Variants in GPAT3 observed in about 807,000 individuals in gnomAD.
GPAT3 encodes 1-AGP acyltransferase 9.
GPAT3 carries 53 observed loss-of-function variants against 58.8 expected under a neutral mutation model. That is an observed-to-expected ratio of 0.90 (90% CI 0.72 to 1.13). The LOEUF is 1.13. GPAT3 is among the 50% of genes most tolerant of loss of function. The pLI is 0.00. For missense variants in GPAT3, 511 were observed against 527.6 expected (o/e 0.97, Z 0.31); for synonymous variants, 197 against 187.4 (o/e 1.05, Z -0.42).
intron 2 of GPAT3, among the ~76,000 whole-genome samples, chr4:83,565,696 C>T (rs1012115643): frequency 6.6e-6 from 1 of 152,050 alleles, no homozygotes; most frequent in South Asian, 2.1e-4. Flanking sequence ...CCACACCACC[C>T]GGTGGGTACC....
At chr4:83,588,344 A>G in intron 5 of GPAT3, 45 bp downstream of exon 5, 1 of 1,551,254 alleles carries the variant, frequency 6.4e-7, no homozygotes. Context: ...AGGTCAATTC[A>G]GCATGAGATT....
intron 2 of GPAT3, among the ~76,000 whole-genome samples, chr4:83,565,900 T>G (rs990538206): frequency 6.6e-6 from 1 of 152,196 alleles, no homozygotes; most frequent in African/African-American, 2.4e-5. Context: ...GATTCATCAG[T>G]GAAGGAGAAC....
At chr4:83,593,006 A>G (rs983543183) in intron 6 of GPAT3, among the ~76,000 whole-genome samples, 2 of 150,666 alleles carry the variant, frequency 1.3e-5, no homozygotes, top group Non-Finnish European at 2.9e-5. Context: ...AGCTGGGATT[A>G]CAGGTGCCCA....
chr4:83,551,393 A>C (rs1724742472), intron 2 of GPAT3, among the ~76,000 whole-genome samples: 1 of 152,222 alleles, frequency 6.6e-6, no homozygotes, highest in African/African-American at 2.4e-5. Flanking sequence ...GAAATTATAT[A>C]TACTATAGGG....
At position 83,536,735 on chromosome 4, in the gene GPAT3, A is replaced by T. The variant is rs756506602; in HGVS notation, c.113A>T (p.Tyr38Phe). The T allele has an allele frequency of 6.2e-7, 1 of 1,612,972 alleles. No individual in the cohort carries two copies. The highest frequency in any genetic ancestry group is 8.5e-7 in the Non-Finnish European group (1 of 1,179,792). Reference sequence around the variant, plus strand: ...GTGTCTCTGGGCATCTCCGAGATCTACATGAAGATCCTAGTGAAAACTTTA... The same window carrying T: ...GTGTCTCTGGGCATCTCCGAGATCTTCATGAAGATCCTAGTGAAAACTTTA... ...FGVSLGISEI[Y>F]MKILVKTLEW... is the part of the protein sequence containing the mutation. Residue 38 changes from tyrosine (Y) to phenylalanine (F), a missense_variant, in exon 1 of 12, where the codon TAC becomes TTC. Transcript: ENST00000264409.
intron 1 of GPAT3, among the ~76,000 whole-genome samples, 176 bp from the exon 2 acceptor site, chr4:83,544,360 T>C (rs1724422668): frequency 1.3e-5 from 2 of 152,206 alleles, no homozygotes; most frequent in African/African-American, 4.8e-5. Flanking sequence ...GTAAGTGATA[T>C]AAAAGTATAC....
intron 2 of GPAT3, among the ~76,000 whole-genome samples, chr4:83,563,478 C>CTTTTTTTTTTTTTTT (rs908400401): frequency 8.7e-6 from 1 of 114,456 alleles, no homozygotes; most frequent in African/African-American, 3.1e-5. Flanking sequence ...TTTCTTTCTT[C>CTTTTTTTTTTTTTTT]TTTTTTTTTT....
At chr4:83,586,882 A>T (rs1237112695) in intron 3 of GPAT3, among the ~76,000 whole-genome samples, 3 of 152,230 alleles carry the variant, frequency 2.0e-5, no homozygotes, top group Non-Finnish European at 4.4e-5. Context: ...GCACCTTTAA[A>T]TCTATTCCCT....
At chr4:83,590,107 TACAC>T in intron 5 of GPAT3, 88 bp from the exon 6 acceptor site, 14 of 1,147,390 alleles carry the variant, frequency 1.2e-5, no homozygotes, top group Non-Finnish European at 1.8e-5. Flanking sequence ...ATTACATATA[TACAC>T]ACACACACAC....
chr4:83,541,582 T>C (rs1724306286), intron 1 of GPAT3, among the ~76,000 whole-genome samples: 1 of 152,124 alleles, frequency 6.6e-6, no homozygotes, highest in Non-Finnish European at 1.5e-5. Flanking sequence ...GGTAGACCTT[T>C]AGAGCTATCA....
At chr4:83,604,280 AG>A (rs1342931285) in intron 11 of GPAT3, among the ~76,000 whole-genome samples, 8 of 152,180 alleles carry the variant, frequency 5.3e-5, no homozygotes, top group African/African-American at 1.9e-4. Context: ...TATGTTGGCC[AG>A]GCTGGTCTCG....
intron 1 of GPAT3, among the ~76,000 whole-genome samples, chr4:83,537,505 TGA>T (rs1416671365): frequency 1.3e-5 from 2 of 151,904 alleles, no homozygotes; most frequent in Non-Finnish European, 1.5e-5. Context: ...AGAGGGAAAC[TGA>T]GAGTCAGAGA....
At chr4:83,550,031 A>G (rs183470117) in intron 2 of GPAT3, among the ~76,000 whole-genome samples, 84 of 150,820 alleles carry the variant, frequency 5.6e-4, no homozygotes, top group African/African-American at 1.8e-3. Context: ...CCCATTTTTT[A>G]ATTTTTAAAT....
intron 2 of GPAT3, among the ~76,000 whole-genome samples, chr4:83,545,001 A>G (rs903541180): frequency 6.6e-6 from 1 of 152,136 alleles, no homozygotes; most frequent in African/African-American, 2.4e-5. Flanking sequence ...TCCTCAAAGT[A>G]CTCTTTTCTG....
intron 3 of GPAT3, among the ~76,000 whole-genome samples, chr4:83,586,239 A>T (rs2110101617): frequency 6.6e-6 from 1 of 152,348 alleles, no homozygotes; most frequent in East Asian, 1.9e-4. Context: ...TGCTCCAAAT[A>T]TCTGATCAGA....
chr4:83,575,403 A>C (rs1383328849), intron 2 of GPAT3, among the ~76,000 whole-genome samples: 1 of 151,736 alleles, frequency 6.6e-6, no homozygotes, highest in East Asian at 2.0e-4. Flanking sequence ...TTTGACACCT[A>C]ATTTTATTTT....
At chr4:83,603,210 T>C (rs1727124706) in intron 11 of GPAT3, among the ~76,000 whole-genome samples, 1 of 152,144 alleles carries the variant, frequency 6.6e-6, no homozygotes, top group African/African-American at 2.4e-5. Context: ...AATCTAAAAC[T>C]TTAGATTAGG....
intron 2 of GPAT3, among the ~76,000 whole-genome samples, chr4:83,559,634 G>T (rs767029205): frequency 2.6e-5 from 4 of 152,122 alleles, no homozygotes; most frequent in Non-Finnish European, 5.9e-5. Context: ...AAGCAGGAAA[G>T]TTCTTCATCA....
intron 11 of GPAT3, among the ~76,000 whole-genome samples, chr4:83,599,033 C>G (rs183207118): frequency 6.6e-6 from 1 of 151,762 alleles, no homozygotes; most frequent in African/African-American, 2.4e-5. Flanking sequence ...GAACTCCTGC[C>G]TAAGCCTTTC....
Sources: gnomAD v4.1 joint callset for allele counts (sites outside exome capture counted in the v4.1 genomes callset) on GRCh38, gnomAD v4.1.1 for gene constraint, MANE v1.5 for transcripts, NCBI Gene and HGNC (gene_info 2026-07-23, HGNC 2026-07-21) for gene names.